Variants in ZSWIM9 observed in about 807,000 individuals in gnomAD.
ZSWIM9 encodes the protein uncharacterized protein ZSWIM9.
In ZSWIM9, 11 loss-of-function variants were observed where a neutral mutation model predicts 25.0. The observed-to-expected ratio is 0.44, with a 90% CI of 0.28 to 0.73. The LOEUF is 0.73. Among genes scored for constraint, ZSWIM9 ranks in the 30% least tolerant of loss-of-function variants. The probability of loss-of-function intolerance (pLI) is 0.16; values close to 1 mark genes in which losing one functional copy is unlikely to be tolerated. For missense variants in ZSWIM9, 1,070 were observed against 1,296.5 expected, an observed-to-expected ratio of 0.83 and a Z score of 2.68; for synonymous variants, 562 against 582.1, an observed-to-expected ratio of 0.97 and a Z score of 0.50.
In ZSWIM9 at chr19:48,195,625, A is replaced by G; in HGVS notation, c.1561A>G (p.Arg521Gly). 1 of 1,422,558 alleles carries G rather than the reference A, an allele frequency of 7.0e-7. No homozygotes were observed. 88.1% of individuals were successfully genotyped at this position (1,422,558 alleles called of 1,614,324 possible). The change falls in exon 4 of 4, where the codon AGA (arginine) becomes GGA (glycine). Residue 521 changes from arginine to glycine, a missense_variant. Transcript: ENST00000614654. This position sits in a 1 kb window ranked among gnomAD's most constrained non-coding sequence, Gnocchi z 5.8. ...EGEKGRALQIRDWRGGRLENQ... is the reference protein window; with the variant it reads ...EGEKGRALQIGDWRGGRLENQ... ...TGAGAAGGGGAGGGCACTGCAGATCAGAGATTGGAGAGGGGGTCGGTTGGA... is the reference window on the plus strand; with the variant it reads ...TGAGAAGGGGAGGGCACTGCAGATCGGAGATTGGAGAGGGGGTCGGTTGGA...
chr19:48,181,622 G>A (rs762386899), intron 2 of ZSWIM9: 7 of 152,212 alleles, frequency 4.6e-5, no homozygotes, highest in Non-Finnish European at 8.8e-5. Flanking sequence ...TCACAGGAGA[G>A]ACATAAAATT....
At chr19:48,187,565 A>ATATTATTATT (rs1568579812) in intron 3 of ZSWIM9, 1 of 23,684 alleles carries the variant, frequency 4.2e-5, no homozygotes, top group Non-Finnish European at 8.9e-5. Flanking sequence ...TATTATATAT[A>ATATTATTATT]ATATTATATA....
rs561548018 is a variant in ZSWIM9, at chr19:48,195,505, C to A, written c.1441C>A (p.Pro481Thr). The A allele has an allele frequency of 2.1e-6, 3 of 1,410,456 alleles. No homozygotes were observed. The African/African-American group carries it at 4.5e-5, about 21-fold the overall frequency. The allele number at this position is 1,410,456 out of a possible 1,614,324, so 87.4% of individuals were successfully genotyped here. A position where few individuals can be genotyped will look rare whatever the true frequency, so the allele number is the denominator to read the frequency against. ...GLETGDWGGA[P>T]KEGSIWRGAQ... Reference sequence around the variant, plus strand: ...GGAGACAGGCGACTGGGGAGGGGCTCCGAAAGAAGGAAGTATTTGGAGGGG... The same window carrying A: ...GGAGACAGGCGACTGGGGAGGGGCTACGAAAGAAGGAAGTATTTGGAGGGG... The change falls in exon 4 of 4, where the codon CCG (proline) becomes ACG (threonine). Residue 481 changes from proline (P) to threonine (T), a missense_variant. By Grantham distance (38) the Pro-to-Thr change is conservative (BLOSUM62 -1). Transcript: ENST00000614654. The surrounding 1 kb of genome is among the most constrained non-coding windows in gnomAD (Gnocchi z 5.8).
intron 3 of ZSWIM9, among the ~76,000 whole-genome samples, chr19:48,186,061 G>C (rs754978917): frequency 6.6e-6 from 1 of 152,168 alleles, no homozygotes; most frequent in Non-Finnish European, 1.5e-5. Context: ...CATGGCTACA[G>C]AATGCTTAAT....
At chr19:48,186,495 T>A (rs1331607268) in intron 3 of ZSWIM9, 1 of 153,036 alleles carries the variant, frequency 6.5e-6, no homozygotes, top group African/African-American at 2.4e-5. Flanking sequence ...GAGACGAGGT[T>A]TCACCATGTT....
rs996147480 is a variant in ZSWIM9, at chr19:48,182,863, C to T, written c.588+96C>T. 1.2e-6 allele frequency: 1 copy of T among 837,682 alleles called. No homozygotes were observed. Among genetic ancestry groups the T allele is most frequent in the East Asian group, 2.7e-5 (1 of 37,292 alleles). The allele number at this position is 837,682 out of a possible 1,614,324, so 51.9% of individuals were successfully genotyped here. A position where few individuals can be genotyped will look rare whatever the true frequency, so the allele number is the denominator to read the frequency against. On this transcript the variant is annotated intron_variant, in intron 3 of 3. Transcript: ENST00000614654. The surrounding 1 kb of genome is among the most constrained non-coding windows in gnomAD (Gnocchi z 4.6). ...CATGCCTTCATCCGCCCTCTCATCC[C>T]TTCACTCCTTTCCTCCATTCATCCG...
Position 48,197,524 on chromosome 19 carries a change from G to C in ZSWIM9, c.*697G>C. 1.9e-6 allele frequency: 1 copy of C among 519,260 alleles called. No homozygotes were observed. The highest frequency in any genetic ancestry group is 3.4e-6 in the Non-Finnish European group (1 of 290,336). 32.2% of individuals were successfully genotyped at this position (519,260 alleles called of 1,614,324 possible). On this transcript the variant is annotated 3_prime_UTR_variant, in exon 4 of 4. Coordinates refer to ENST00000614654, the MANE Select transcript of ZSWIM9 (RefSeq NM_199341.4). ...CCCCATCGCCTTCTGAAGAGAGAGGGAGGGCGGGCACTGGGGGTCAGGAGA... is the reference window on the plus strand; with the variant it reads ...CCCCATCGCCTTCTGAAGAGAGAGGCAGGGCGGGCACTGGGGGTCAGGAGA...
intron 2 of ZSWIM9, among the ~76,000 whole-genome samples, chr19:48,172,958 C>T (rs1453902569): frequency 1.3e-5 from 2 of 152,110 alleles, no homozygotes; most frequent in African/African-American, 4.8e-5. Context: ...ACAGAAGAGC[C>T]AGGTTTTGTA....
chr19:48,184,586 C>G (rs1455986910), intron 3 of ZSWIM9, among the ~76,000 whole-genome samples: 2 of 152,138 alleles, frequency 1.3e-5, no homozygotes, highest in African/African-American at 4.8e-5. Context: ...ATTCAAGCCA[C>G]CAGCCCAAGC....
intron 3 of ZSWIM9, among the ~76,000 whole-genome samples, chr19:48,185,171 C>T (rs370291005): frequency 1.1e-4 from 16 of 144,450 alleles, no homozygotes; most frequent in East Asian, 1.0e-3. Context: ...CGGAGTTTCG[C>T]TCTTGTCACC....
chr19:48,194,662 G>C lies in ZSWIM9; in HGVS notation c.598G>C (p.Val200Leu). 6.8e-7 allele frequency: 1 copy of C among 1,461,866 alleles called. No individual in the cohort carries two copies. The allele number at this position is 1,461,866 out of a possible 1,614,324, so 90.6% of individuals were successfully genotyped here. ...CTGCCCCCGCCCGCAGGTGAAGCTG[G>C]TGTTCGTGGAGGACCAGGCTGTGGT... ...RTDPEAKVKLVFVEDQAVVET... is the reference protein window; with the variant it reads ...RTDPEAKVKLLFVEDQAVVET... Residue 200 changes from valine (V) to leucine (L), a missense_variant, in exon 4 of 4, where the codon GTG (valine) becomes CTG (leucine). By Grantham distance (32) the Val-to-Leu change is conservative. Around this residue, in one of 4 missense-constraint regions of ZSWIM9, gnomAD observed 265 missense variants for 339.0 expected, o/e 0.78. Transcript: ENST00000614654. This position sits in a 1 kb window ranked among gnomAD's most constrained non-coding sequence, Gnocchi z 6.0.
At position 48,197,437 on chromosome 19, in the gene ZSWIM9, G is replaced by A. The variant is rs755281642; in HGVS notation, c.*610G>A. ...GAGACAAAAGAAATGTGTGGGAGAC[G>A]GGTAGAGACGAAATGCAAGGGGCGT... On this transcript the variant is annotated 3_prime_UTR_variant, in exon 4 of 4. Coordinates refer to ENST00000614654, the MANE Select transcript of ZSWIM9 (RefSeq NM_199341.4). 15 of 612,544 alleles carry A rather than the reference G, an allele frequency of 2.4e-5. No individual in the cohort carries two copies. Among genetic ancestry groups the A allele is most frequent in the African/African-American group, 1.1e-4 (6 of 54,150 alleles). The allele number at this position is 612,544 out of a possible 1,614,324, so 37.9% of individuals were successfully genotyped here.
Position 48,195,899 on chromosome 19 carries a change from C to T in ZSWIM9, c.1835C>T (p.Thr612Ile). Residue 612 changes from threonine (T) to isoleucine (I), a missense_variant, in exon 4 of 4, where the codon ACC (threonine) becomes ATC (isoleucine). Transcript: ENST00000614654. This position sits in a 1 kb window ranked among gnomAD's most constrained non-coding sequence, Gnocchi z 5.8. ...AGGAGTACCACCGACCTGAGGGGGA[C>T]CCAGTTTGACTATGAGAGGGTCAGG... Reference protein sequence around the residue: ...DRRSTTDLRGTQFDYERVRSL... With the variant: ...DRRSTTDLRGIQFDYERVRSL... The T allele has an allele frequency of 7.2e-7, 1 of 1,387,128 alleles. No homozygotes were observed. The allele number at this position is 1,387,128 out of a possible 1,614,324, so 85.9% of individuals were successfully genotyped here.
chr19:48,186,774 G>T (rs773162339), intron 3 of ZSWIM9: 5 of 154,820 alleles, frequency 3.2e-5, no homozygotes, highest in African/African-American at 1.2e-4. Context: ...AGCTGCAGGG[G>T]CAGAGGCAGG....
chr19:48,178,143 C>T lies in ZSWIM9; in HGVS notation c.276-4312C>T, dbSNP rs150825220. On this transcript the variant is annotated intron_variant, in intron 2 of 3. Transcript: ENST00000614654. ...GAACTCCTGACCTCAAGTGATCCGC[C>T]CGCCTTGGCCTCCCAAAGTGCTGGG... Among the ~76,000 whole-genome samples the T allele has an allele frequency of 3.1e-3, 471 of 152,328 alleles. 6 individuals carry two copies. Among genetic ancestry groups the T allele is most frequent in the African/African-American group, 0.01 (431 of 41,578 alleles).
intron 2 of ZSWIM9, among the ~76,000 whole-genome samples, chr19:48,175,599 G>C (rs1266509211): frequency 6.6e-6 from 1 of 152,114 alleles, no homozygotes; most frequent in East Asian, 1.9e-4. Context: ...GTCAGTTCTG[G>C]GTGGAGGAAG....
Position 48,195,204 on chromosome 19 carries a change from C to T in ZSWIM9, c.1140C>T (p.Asn380=). The T allele has an allele frequency of 1.3e-6, 2 of 1,526,678 alleles. No homozygotes were observed. The highest frequency in any genetic ancestry group is 1.8e-6 in the Non-Finnish European group (2 of 1,141,540). 94.6% of individuals were successfully genotyped at this position (1,526,678 alleles called of 1,614,324 possible). A position where few individuals can be genotyped will look rare whatever the true frequency, so the allele number is the denominator to read the frequency against. ...CCTTCGTGGACTACTTCGAGCGCAA[C>T]TGGGAGCCCCGCCGCGACATGTGGG... ...PAAFVDYFER[N]WEPRRDMWVR... is the part of the protein sequence containing the mutation. The change falls in exon 4 of 4, where the codon AAC becomes AAT. Residue 380 remains asparagine (N), a synonymous_variant. Transcript: ENST00000614654. This position sits in a 1 kb window ranked among gnomAD's most constrained non-coding sequence, Gnocchi z 5.8.
rs1297338976 is a variant in ZSWIM9, at chr19:48,195,076, G to C, written c.1012G>C (p.Glu338Gln). The C allele has an allele frequency of 2.9e-6, 4 of 1,379,056 alleles. No homozygotes were observed. The highest frequency in any genetic ancestry group is 3.7e-6 in the Non-Finnish European group (4 of 1,076,284). 85.4% of individuals were successfully genotyped at this position (1,379,056 alleles called of 1,614,324 possible). ...GCAGGAGCTGGGCGGCGCCGGCCGC[G>C]AGGACCCGGGCCTGTGGTCGCGCCT... ...KAQELGGAGREDPGLWSRLCR... is the reference protein window; with the variant it reads ...KAQELGGAGRQDPGLWSRLCR... Residue 338 changes from glutamate (E) to glutamine (Q), a missense_variant, in exon 4 of 4, where the codon GAG becomes CAG. Physicochemically the swap from Glu to Gln is conservative, Grantham distance 29. This residue lies in a region of ZSWIM9 where 184 missense variants were observed against 243.1 expected (regional missense o/e 0.76). Coordinates refer to ENST00000614654, the MANE Select transcript of ZSWIM9 (RefSeq NM_199341.4). This position sits in a 1 kb window ranked among gnomAD's most constrained non-coding sequence, Gnocchi z 5.8.
At chr19:48,171,136 T>C (rs565087252) in intron 1 of ZSWIM9, 2 of 656,910 alleles carry the variant, frequency 3.0e-6, no homozygotes, top group Admixed American at 6.3e-5. Context: ...GATGAGAGTG[T>C]CTCAGGGAAG....
Sources: allele counts gnomAD v4.1 joint callset (sites outside exome capture counted in the v4.1 genomes callset), GRCh38; gene constraint gnomAD v4.1.1; regional missense constraint gnomAD v4.1.1; non-coding constraint Gnocchi (gnomAD v3.1); transcripts MANE v1.5; gene names NCBI Gene and HGNC (gene_info 2026-07-23, HGNC 2026-07-21).